Variants in TRAF1 observed in about 807,000 individuals in gnomAD.
The protein encoded by TRAF1 is TNF receptor-associated factor 1.
Under a neutral mutation model 40.9 loss-of-function variants are expected in TRAF1, and 23 were observed. The observed-to-expected ratio is 0.56, with a 90% CI of 0.40 to 0.80. The LOEUF (loss-of-function observed/expected upper bound fraction) is 0.80, where lower values mean the gene tolerates loss of function less well. Ranked by LOEUF, TRAF1 falls within the 30% of genes least tolerant of loss-of-function variation. The probability of loss-of-function intolerance (pLI) is 0.00; values close to 1 mark genes in which losing one functional copy is unlikely to be tolerated. For synonymous variants in TRAF1, 206 were observed against 218.8 expected, an observed-to-expected ratio of 0.94 and a Z score of 0.52; for missense variants, 477 against 528.7, an observed-to-expected ratio of 0.90 and a Z score of 0.96.
rs1168341421 is a variant in TRAF1, at chr9:120,909,084, A to G, written c.1032+146T>C. The G allele has an allele frequency of 1.5e-5, 15 of 1,011,482 alleles. No individual in the cohort carries two copies. The East Asian group carries it at 3.4e-4, about 23-fold the overall frequency. The allele number at this position is 1,011,482 out of a possible 1,614,324, so 62.7% of individuals were successfully genotyped here. ...AGCTGGAGGGAGCCCTAGTTACTAG[A>G]TCTGATTGTTTTATAAAAAGGGAAA... On this transcript the variant is annotated intron_variant, in intron 7 of 7. Coordinates refer to ENST00000373887, the MANE Select transcript of TRAF1 (RefSeq NM_005658.5).
chr9:120,908,594 C>G (rs2046500983), intron 7 of TRAF1, among the ~76,000 whole-genome samples: 1 of 151,978 alleles, frequency 6.6e-6, no homozygotes, highest in African/African-American at 2.4e-5. Context: ...GAGTCTCGCT[C>G]TGTCACCCAG....
chr9:120,913,772 G>T (rs778429485), intron 4 of TRAF1, 34 bp from the exon 5 acceptor site: 34 of 1,521,444 alleles, frequency 2.2e-5, no homozygotes, highest in Non-Finnish European at 2.9e-5. Context: ...AGTGAAAACA[G>T]AGGTGGAGTG....
In TRAF1 at chr9:120,926,014, C is replaced by G. The variant is rs753885147; in HGVS notation, c.62G>C (p.Gly21Ala). The change falls in exon 2 of 8, where the codon GGG becomes GCG. Residue 21 changes from glycine (G) to alanine (A), a missense_variant. Coordinates refer to ENST00000373887, the MANE Select transcript of TRAF1 (RefSeq NM_005658.5). ...PAPDENEFPFGCPPTVCQDPK... is the reference protein window; with the variant it reads ...PAPDENEFPFACPPTVCQDPK... ...GTCCTGGCAGACGGTGGGAGGGCAC[C>G]CAAAGGGAAACTCATTCTCATCAGG... 1 of 1,612,522 alleles carries G rather than the reference C, an allele frequency of 6.2e-7. No homozygotes were observed. Among genetic ancestry groups the G allele is most frequent in the Non-Finnish European group, 8.5e-7 (1 of 1,179,388 alleles).
At chr9:120,914,689 T>A in intron 3 of TRAF1, 1 of 540,296 alleles carries the variant, frequency 1.9e-6, no homozygotes, top group Non-Finnish European at 2.4e-6. Flanking sequence ...ACTGACTGCA[T>A]GAGTAAATGC....
intron 3 of TRAF1, among the ~76,000 whole-genome samples, chr9:120,917,427 G>A (rs1360988474): frequency 6.6e-6 from 1 of 152,150 alleles, no homozygotes; most frequent in African/African-American, 2.4e-5. Context: ...TCTGCAAAAT[G>A]GGGATAATAA....
chr9:120,912,785 C>A (rs1252533111), intron 5 of TRAF1, among the ~76,000 whole-genome samples: 1 of 152,194 alleles, frequency 6.6e-6, no homozygotes, highest in Non-Finnish European at 1.5e-5. Flanking sequence ...ATACTCCAAG[C>A]GTACAGAATT....
chr9:120,920,049 G>A (rs560523643), intron 3 of TRAF1, among the ~76,000 whole-genome samples: 23 of 152,300 alleles, frequency 1.5e-4, no homozygotes, highest in East Asian at 5.8e-4. Context: ...GGATCGGGGC[G>A]ATTACAGATG....
intron 3 of TRAF1, among the ~76,000 whole-genome samples, chr9:120,919,562 G>A (rs991406533): frequency 3.9e-5 from 6 of 152,242 alleles, no homozygotes; most frequent in Admixed American, 1.3e-4. Context: ...AGGGATGCCC[G>A]GAGGGGCTGC....
At chr9:120,923,881 C>A in intron 2 of TRAF1, 89 bp from the exon 3 acceptor site, 1 of 1,199,920 alleles carries the variant, frequency 8.3e-7, no homozygotes, top group Non-Finnish European at 1.2e-6. Context: ...CCTCAACTAT[C>A]AGCAGGGTGG....
At chr9:120,925,216 G>A (rs1219570930) in intron 2 of TRAF1, among the ~76,000 whole-genome samples, 1 of 152,212 alleles carries the variant, frequency 6.6e-6, no homozygotes. Flanking sequence ...ACTGACCAAA[G>A]CTGACCTAAT....
chr9:120,925,916 C>T lies in TRAF1; in HGVS notation c.140+20G>A. ...CTGGCACCCACTTTCTGCCCACCCTCCGCTCCTCCATCACCTCACCTCGGG... is the reference window on the plus strand; with the variant it reads ...CTGGCACCCACTTTCTGCCCACCCTTCGCTCCTCCATCACCTCACCTCGGG... On this transcript the variant is annotated intron_variant, in intron 2 of 7. Transcript: ENST00000373887. 1 of 1,613,636 alleles carries T rather than the reference C, an allele frequency of 6.2e-7. No individual in the cohort carries two copies. Among genetic ancestry groups the T allele is most frequent in the South Asian group, 1.1e-5 (1 of 91,062 alleles).
Position 120,923,643 on chromosome 9 carries a change from T to C in TRAF1, c.228+62A>G. On this transcript the variant is annotated intron_variant, in intron 3 of 7. Coordinates refer to ENST00000373887, the MANE Select transcript of TRAF1 (RefSeq NM_005658.5). ...GGGGTGGAGTGGGCAGCTGTCTACT[T>C]GGCTTCAACCTGGAAAAATCAAGAC... 3 of 1,556,172 alleles carry C rather than the reference T, an allele frequency of 1.9e-6. No homozygotes were observed. In the South Asian group the frequency reaches 3.3e-5, roughly 17 times the overall value.
chr9:120,922,508 T>A (rs1012921020), intron 3 of TRAF1, among the ~76,000 whole-genome samples: 6 of 152,236 alleles, frequency 3.9e-5, no homozygotes, highest in Non-Finnish European at 8.8e-5. Flanking sequence ...CTGGATAGCA[T>A]GTGGGAACCT....
At chr9:120,909,592 C>T (rs1166008730) in intron 6 of TRAF1, among the ~76,000 whole-genome samples, 3 of 152,218 alleles carry the variant, frequency 2.0e-5, no homozygotes, top group Admixed American at 2.0e-4. Context: ...AAGTCATACA[C>T]TGCCGGGCCC....
In TRAF1 at chr9:120,926,144, T is replaced by C. The variant is rs2046639446; in HGVS notation, c.-69A>G. 1 of 1,446,222 alleles carries C rather than the reference T, an allele frequency of 6.9e-7. No individual in the cohort carries two copies. The highest frequency in any genetic ancestry group is 9.1e-7 in the Non-Finnish European group (1 of 1,094,602). The allele number at this position is 1,446,222 out of a possible 1,614,324, so 89.6% of individuals were successfully genotyped here. ...AGGGCAGGGGACCAGCCTTGTGGAG[T>C]CCTGGCCTGGGCCTCACTCTCTGGT... is the stretch of plus-strand genomic sequence containing the variant. On this transcript the variant is annotated 5_prime_UTR_variant, in exon 2 of 8. Transcript: ENST00000373887.
At position 120,923,843 on chromosome 9, in the gene TRAF1, C is replaced by T. The variant is rs368692363; in HGVS notation, c.141-51G>A. ...GAGAGAGGCACTACAGCTCCCTGCA[C>T]CATCCACTCTCCTGACAGCTCCAGA... is the stretch of plus-strand genomic sequence containing the variant. On this transcript the variant is annotated intron_variant, in intron 2 of 7. Transcript: ENST00000373887. 5.9e-6 allele frequency: 9 copies of T among 1,522,512 alleles called. No individual in the cohort carries two copies. In the African/African-American group the frequency reaches 1.2e-4, roughly 21 times the overall value. 94.3% of individuals were successfully genotyped at this position (1,522,512 alleles called of 1,614,324 possible). A position where few individuals can be genotyped will look rare whatever the true frequency, so the allele number is the denominator to read the frequency against.
upstream of TRAF1, chr9:120,928,821 G>A (rs2046657121): frequency 6.6e-6 from 1 of 152,266 alleles, no homozygotes; most frequent in Non-Finnish European, 1.5e-5. Context: ...GCCCGAGGGC[G>A]GGGGAGTGTC....
intron 7 of TRAF1, among the ~76,000 whole-genome samples, chr9:120,907,649 T>C (rs2046492906): frequency 6.6e-6 from 1 of 152,236 alleles, no homozygotes. Flanking sequence ...ACTGTCAGTG[T>C]TCCAGATTTT....
At chr9:120,921,595 G>A (rs998768056) in intron 3 of TRAF1, among the ~76,000 whole-genome samples, 2 of 151,996 alleles carry the variant, frequency 1.3e-5, no homozygotes, top group Admixed American at 6.6e-5. Context: ...TCTCACAGCC[G>A]ATCCACCAAG....
Sources: gnomAD v4.1 joint callset for allele counts (sites outside exome capture counted in the v4.1 genomes callset) on GRCh38, gnomAD v4.1.1 for gene constraint, MANE v1.5 for transcripts, NCBI Gene and HGNC (gene_info 2026-07-23, HGNC 2026-07-21) for gene names.